PID1: variants seen among roughly 807,000 people sequenced by gnomAD.
PID1 encodes the protein PTB-containing, cubilin and LRP1-interacting protein.
Under a neutral mutation model 19.1 loss-of-function variants are expected in PID1, and 10 were observed. That is an observed-to-expected ratio of 0.52 (90% CI 0.32 to 0.89). The LOEUF is 0.89. Ranked by LOEUF, PID1 falls within the 40% of genes least tolerant of loss-of-function variation. PID1 has a pLI of 0.03. For missense variants in PID1, 248 were observed against 285.3 expected, an observed-to-expected ratio of 0.87 and a Z score of 0.94; for synonymous variants, 130 against 116.0, an observed-to-expected ratio of 1.12 and a Z score of -0.78.
chr2:229,114,117 CTCTCTCTCTCTCTCTCTT>C (rs1338724523), intron 2 of PID1, among the ~76,000 whole-genome samples: 372 of 138,656 alleles, frequency 2.7e-3, no homozygotes, highest in African/African-American at 0.01. Flanking sequence ...CTCTCTTTCT[CTCTCTCTCTCTCTCTCTT>C]TCTCTCTCTC....
chr2:229,036,685 T>A (rs530846232), intron 2 of PID1, among the ~76,000 whole-genome samples: 1 of 151,736 alleles, frequency 6.6e-6, no homozygotes, highest in Admixed American at 6.6e-5. Context: ...GAGGCGGAGG[T>A]GGCCATGAGC....
chr2:229,150,583 G>C (rs1421896520), intron 2 of PID1, among the ~76,000 whole-genome samples: 1 of 152,198 alleles, frequency 6.6e-6, no homozygotes, highest in African/African-American at 2.4e-5. Context: ...TTGTAACTCA[G>C]AGAAATCCTC....
intron 2 of PID1, among the ~76,000 whole-genome samples, chr2:229,134,246 T>C (rs1689811184): frequency 6.8e-6 from 1 of 147,350 alleles, no homozygotes; most frequent in Non-Finnish European, 1.5e-5. Flanking sequence ...TTTTTTTTTT[T>C]TTTTTTGAGA....
At chr2:229,090,419 G>A (rs1475585713) in intron 2 of PID1, among the ~76,000 whole-genome samples, 3 of 152,194 alleles carry the variant, frequency 2.0e-5, no homozygotes, top group Non-Finnish European at 4.4e-5. Context: ...AGGGAGGTGA[G>A]CTCACTTCCT....
At chr2:229,237,849 A>G (rs143314498) in intron 1 of PID1, among the ~76,000 whole-genome samples, 271 of 152,320 alleles carry the variant, frequency 1.8e-3, no homozygotes, top group Non-Finnish European at 2.8e-3. Context: ...CTATGGAATT[A>G]CTAACACTGG....
At chr2:229,127,548 T>C (rs766453527) in intron 2 of PID1, among the ~76,000 whole-genome samples, 49 of 152,260 alleles carry the variant, frequency 3.2e-4, no homozygotes, top group Non-Finnish European at 6.5e-4. Flanking sequence ...GGGTGCTTTT[T>C]CTCTAGACCA....
Position 229,252,785 on chromosome 2 carries a change from T to G in PID1, c.30+18229A>C, listed in dbSNP as rs570144063. On this transcript the variant is annotated intron_variant, in intron 1 of 2. Transcript: ENST00000392055. ...AAGAAGATTCCCACAAGGGGAATAC[T>G]AATTTGAATTTCTTTGGTTGCACAA... Among the ~76,000 whole-genome samples the G allele has an allele frequency of 3.9e-5, 6 of 152,304 alleles. No individual in the cohort carries two copies. In the South Asian group the frequency reaches 1.2e-3, roughly 32 times the overall value.
chr2:229,240,001 C>T (rs1574750715), intron 1 of PID1, among the ~76,000 whole-genome samples: 1 of 152,102 alleles, frequency 6.6e-6, no homozygotes, highest in African/African-American at 2.4e-5. Flanking sequence ...AATAGTCCAA[C>T]AAGGCAAGAC....
chr2:229,172,320 A>G (rs1690726697), intron 1 of PID1, among the ~76,000 whole-genome samples: 1 of 152,220 alleles, frequency 6.6e-6, no homozygotes, highest in South Asian at 2.1e-4. Context: ...ACCAAAAACC[A>G]GGTGGTTTAA....
rs140479113 is a variant in PID1, at chr2:229,200,615, C to T, written c.31-44651G>A. 2.1e-3 allele frequency among the ~76,000 whole-genome samples: 327 copies of T among 152,158 alleles called. 2 individuals are homozygous for T. Among genetic ancestry groups the T allele is most frequent in the African/African-American group, 7.4e-3 (306 of 41,542 alleles). On this transcript the variant is annotated intron_variant, in intron 1 of 2. Transcript: ENST00000392055. ...CCTCCCAACCACTGAGCTCCCACTACGCTACCTGTCTACCCAGCACCTCCA... is the reference window on the plus strand; with the variant it reads ...CCTCCCAACCACTGAGCTCCCACTATGCTACCTGTCTACCCAGCACCTCCA...
chr2:229,194,516 A>G (rs1034326474), intron 1 of PID1, among the ~76,000 whole-genome samples: 11 of 152,050 alleles, frequency 7.2e-5, no homozygotes, highest in African/African-American at 2.7e-4. Flanking sequence ...TAAATTAAGG[A>G]GAATGTAAAT....
chr2:229,251,944 T>TAAAAAAAAAAAAAAAAAAAAAAAAAC (rs11284650), intron 1 of PID1, among the ~76,000 whole-genome samples: 1 of 71,474 alleles, frequency 1.4e-5, no homozygotes, highest in African/African-American at 5.4e-5. Flanking sequence ...AACCATAAGC[T>TAAAAAAAAAAAAAAAAAAAAAAAAAC]AAAAAAAAAA....
chr2:229,204,817 A>G (rs1356449860), intron 1 of PID1, among the ~76,000 whole-genome samples: 3 of 152,130 alleles, frequency 2.0e-5, no homozygotes, highest in Non-Finnish European at 4.4e-5. Flanking sequence ...GAATGCATGC[A>G]GAGGTCATTG....
chr2:229,146,048 T>A (rs1245693929), intron 2 of PID1, among the ~76,000 whole-genome samples: 1 of 152,196 alleles, frequency 6.6e-6, no homozygotes, highest in Non-Finnish European at 1.5e-5. Flanking sequence ...AAAAAACTGA[T>A]GAACTGAGAA....
chr2:229,144,948 C>T (rs932598353), intron 2 of PID1, among the ~76,000 whole-genome samples: 1 of 151,766 alleles, frequency 6.6e-6, no homozygotes, highest in Non-Finnish European at 1.5e-5. Flanking sequence ...TATAAGATTA[C>T]ACTCACCGTC....
intron 2 of PID1, among the ~76,000 whole-genome samples, chr2:229,029,718 T>C (rs1272981844): frequency 1.3e-5 from 2 of 151,694 alleles, no homozygotes; most frequent in East Asian, 2.0e-4. Context: ...TGTGCACCTG[T>C]AATCCCACCT....
intron 2 of PID1, among the ~76,000 whole-genome samples, chr2:229,026,334 T>A (rs1309044298): frequency 6.6e-6 from 1 of 152,232 alleles, no homozygotes; most frequent in Non-Finnish European, 1.5e-5. Flanking sequence ...AGTTGGATTT[T>A]AAAATCTAAT....
intron 2 of PID1, among the ~76,000 whole-genome samples, chr2:229,048,479 T>C (rs1693927502): frequency 6.6e-6 from 1 of 152,014 alleles, no homozygotes; most frequent in Non-Finnish European, 1.5e-5. Context: ...CTCTCCTTGG[T>C]AGAGGAAAGA....
intron 1 of PID1, among the ~76,000 whole-genome samples, chr2:229,191,510 C>A (rs1186283928): frequency 6.6e-6 from 1 of 152,152 alleles, no homozygotes; most frequent in Non-Finnish European, 1.5e-5. Flanking sequence ...TCCATCAGTG[C>A]CTCAAAGAGA....
Sources: allele counts gnomAD v4.1 joint callset (sites outside exome capture counted in the v4.1 genomes callset), GRCh38; gene constraint gnomAD v4.1.1; transcripts MANE v1.5; gene names NCBI Gene and HGNC (gene_info 2026-07-23, HGNC 2026-07-21).